Variants in HOXC9 observed in about 807,000 individuals in gnomAD.
HOXC9 encodes homeobox C9, also known as homeobox protein Hox-C9.
HOXC9 carries 10 observed loss-of-function variants against 20.0 expected under a neutral mutation model. That is an observed-to-expected ratio of 0.50 (90% CI 0.31 to 0.85). HOXC9 has a LOEUF of 0.85. Ranked by LOEUF, HOXC9 falls within the 40% of genes least tolerant of loss-of-function variation. The pLI is 0.05. For synonymous variants in HOXC9, 200 were observed against 163.7 expected, an observed-to-expected ratio of 1.22 and a Z score of -1.69; for missense variants, 394 against 376.7, an observed-to-expected ratio of 1.05 and a Z score of -0.38.
rs181553076 is a variant in HOXC9 at position 54,002,852 on chromosome 12, G to A, written c.*178G>A. ...AAGAAAACTCTTGCGATTTGGGAGGGTTCAGTGTTGAGATATTGGTGTTTT... is the reference window on the plus strand; with the variant it reads ...AAGAAAACTCTTGCGATTTGGGAGGATTCAGTGTTGAGATATTGGTGTTTT... On this transcript the variant is annotated 3_prime_UTR_variant, in exon 2 of 2. Transcript: ENST00000303450. 475 of 677,668 alleles carry A rather than the reference G, an allele frequency of 7.0e-4. 3 individuals are homozygous for A. The highest frequency in any genetic ancestry group is 1.4e-3 in the Admixed American group (43 of 30,418). 42.0% of individuals were successfully genotyped at this position (677,668 alleles called of 1,614,324 possible). A position where few individuals can be genotyped will look rare whatever the true frequency, so the allele number is the denominator to read the frequency against.
Position 54,002,434 on chromosome 12 carries a change from C to T in HOXC9, c.543C>T (p.Asn181=), listed in dbSNP as rs1399391883. The part of the protein sequence containing the change: ...KEEKADLDPS[N]PVANWIHARS... The stretch of plus-strand genomic sequence containing the variant: ...TGCTTGTGTTTGGCCCTCCAGGCAA[C>T]CCCGTGGCCAACTGGATTCACGCCC... The change falls in exon 2 of 2, where the codon AAC becomes AAT. Residue 181 remains asparagine (N), a synonymous_variant. Transcript: ENST00000303450. 1.9e-6 allele frequency: 3 copies of T among 1,613,322 alleles called. No individual in the cohort carries two copies. Among genetic ancestry groups the T allele is most frequent in the South Asian group, 1.1e-5 (1 of 91,050 alleles).
intron 1 of HOXC9, among the ~76,000 whole-genome samples, chr12:54,001,319 G>T (rs1027971568): frequency 1.7e-4 from 26 of 152,010 alleles, no homozygotes; most frequent in Non-Finnish European, 2.9e-5. Context: ...ATAAAAGTGG[G>T]GTCTGAGCCT....
At chr12:54,000,771 G>A in intron 1 of HOXC9, 45 bp downstream of exon 1, 1 of 1,438,746 alleles carries the variant, frequency 7.0e-7, no homozygotes. Context: ...CGGGAGGGGA[G>A]GGGAGGACGG....
chr12:54,001,119 G>A (rs1939732551), intron 1 of HOXC9, among the ~76,000 whole-genome samples: 1 of 152,038 alleles, frequency 6.6e-6, no homozygotes, highest in Admixed American at 6.6e-5. Context: ...GAGGACACTG[G>A]GGGCACAGAG....
At position 54,003,195 on chromosome 12, in the gene HOXC9, C is replaced by CCCGT. The variant is rs1939789910; in HGVS notation, c.*522_*525dup. On this transcript the variant is annotated 3_prime_UTR_variant, in exon 2 of 2. Transcript: ENST00000303450. ...GGACCATGCCGCGGGCTAGGTCGGG[C>CCCGT]CCGTGCAGGCCGGCGCCTTGGGCTG... 6.5e-6 allele frequency: 1 copy of CCCGT among 154,250 alleles called. No homozygotes were observed. The highest frequency in any genetic ancestry group is 1.4e-5 in the Non-Finnish European group (1 of 69,546). 9.6% of individuals were successfully genotyped at this position (154,250 alleles called of 1,614,324 possible).
At chr12:54,001,480 CAG>C (rs887593569) in intron 1 of HOXC9, among the ~76,000 whole-genome samples, 32 of 151,330 alleles carry the variant, frequency 2.1e-4, no homozygotes, top group African/African-American at 7.8e-4. Context: ...TCACTCCAAT[CAG>C]GGAGACAGGC....
chr12:54,002,819 A>G lies in HOXC9; in HGVS notation c.*145A>G. On this transcript the variant is annotated 3_prime_UTR_variant, in exon 2 of 2. Coordinates refer to ENST00000303450, the MANE Select transcript of HOXC9 (RefSeq NM_006897.3). ...AATCAGCTTAAAAAGAAAAACAAGG[A>G]AGGGGAAAAGAAAACTCTTGCGATT... The G allele has an allele frequency of 1.1e-6, 1 of 928,848 alleles. No individual in the cohort carries two copies. The highest frequency in any genetic ancestry group is 1.6e-6 in the Non-Finnish European group (1 of 642,558). The allele number at this position is 928,848 out of a possible 1,614,324, so 57.5% of individuals were successfully genotyped here.
Position 54,002,553 on chromosome 12 carries a change from G to A in HOXC9, c.662G>A (p.Arg221His), listed in dbSNP as rs1381818624. Reference sequence around the variant, plus strand: ...TTCAATATGTATTTAACCAGGGACCGTCGGTATGAGGTGGCCCGGGTTCTC... The same window carrying A: ...TTCAATATGTATTTAACCAGGGACCATCGGTATGAGGTGGCCCGGGTTCTC... ...FLFNMYLTRD[R>H]RYEVARVLNL... The change falls in exon 2 of 2, where the codon CGT (arginine) becomes CAT (histidine). Residue 221 changes from arginine (R) to histidine (H), a missense_variant. Arg to His is a conservative substitution (Grantham distance 29). Coordinates refer to ENST00000303450, the MANE Select transcript of HOXC9 (RefSeq NM_006897.3). The A allele has an allele frequency of 1.1e-5, 17 of 1,614,078 alleles. No individual in the cohort carries two copies. The highest frequency in any genetic ancestry group is 1.3e-5 in the African/African-American group (1 of 74,912).
rs781035537 is a variant in HOXC9, at chr12:54,000,526, G to A, written c.338G>A (p.Gly113Asp). Residue 113 changes from glycine to aspartate, a missense_variant, in exon 1 of 2, where the codon GGC becomes GAC. Coordinates refer to ENST00000303450, the MANE Select transcript of HOXC9 (RefSeq NM_006897.3). Reference protein sequence around the residue: ...AVSFPSFPAGGRHYALKPDAY... With the variant: ...AVSFPSFPAGDRHYALKPDAY... The stretch of plus-strand genomic sequence containing the variant: ...TCCTTCCCCAGCTTCCCGGCCGGGG[G>A]CCGTCACTACGCCCTCAAGCCGGAC... 3.2e-6 allele frequency: 5 copies of A among 1,584,966 alleles called. No individual in the cohort carries two copies. Among genetic ancestry groups the A allele is most frequent in the Non-Finnish European group, 4.3e-6 (5 of 1,172,856 alleles).
chr12:54,000,308 C>T lies in HOXC9; in HGVS notation c.120C>T (p.Pro40=). 3 of 1,614,168 alleles carry T rather than the reference C, an allele frequency of 1.9e-6. No individual in the cohort carries two copies. Among genetic ancestry groups the T allele is most frequent in the Non-Finnish European group, 2.5e-6 (3 of 1,180,036 alleles). ...GGGCTCATCCCGCCGCCGCCAGACC[C>T]AGCGGTTTGGTGCCGGACTGTAGCG... is the stretch of plus-strand genomic sequence containing the variant. ...ATGAHPAAAR[P]SGLVPDCSDF... The change falls in exon 1 of 2, where the codon CCC becomes CCT. Residue 40 remains proline, a synonymous_variant. Coordinates refer to ENST00000303450, the MANE Select transcript of HOXC9 (RefSeq NM_006897.3).
In HOXC9 at chr12:54,002,552, C is replaced by G; in HGVS notation, c.661C>G (p.Arg221Gly). The G allele has an allele frequency of 6.2e-7, 1 of 1,614,174 alleles. No homozygotes were observed. The highest frequency in any genetic ancestry group is 8.5e-7 in the Non-Finnish European group (1 of 1,180,036). Residue 221 changes from arginine (R) to glycine (G), a missense_variant, in exon 2 of 2, where the codon CGT becomes GGT. By Grantham distance (125) the Arg-to-Gly change is moderately radical. Transcript: ENST00000303450. ...FLFNMYLTRD[R>G]RYEVARVLNL... ...CTTCAATATGTATTTAACCAGGGAC[C>G]GTCGGTATGAGGTGGCCCGGGTTCT...
In HOXC9 at chr12:54,002,952, A is replaced by C; in HGVS notation, c.*278A>C. 3.3e-6 allele frequency: 1 copy of C among 304,162 alleles called. No individual in the cohort carries two copies. 18.8% of individuals were successfully genotyped at this position (304,162 alleles called of 1,614,324 possible). On this transcript the variant is annotated 3_prime_UTR_variant, in exon 2 of 2. Coordinates refer to ENST00000303450, the MANE Select transcript of HOXC9 (RefSeq NM_006897.3). Reference sequence around the variant, plus strand: ...TCTTTCCCCAGCGCAACCGAAATAAATGACACATACAAATGTGATTTTTTT... The same window carrying C: ...TCTTTCCCCAGCGCAACCGAAATAACTGACACATACAAATGTGATTTTTTT...
chr12:54,001,398 G>A (rs564144301), intron 1 of HOXC9, among the ~76,000 whole-genome samples: 11 of 151,796 alleles, frequency 7.2e-5, no homozygotes, highest in South Asian at 4.2e-4. Context: ...TCAGGGATGA[G>A]GAGTGGGCAT....
In HOXC9 at chr12:54,000,605, G is replaced by A; in HGVS notation, c.417G>A (p.Pro139=). ...GCCCAGGGGAGGGCCGCAGCTACCC[G>A]GACTACATGTACGGCTCGCCCGGGG... ...DCGPGEGRSY[P]DYMYGSPGEL... The change falls in exon 1 of 2, where the codon CCG becomes CCA. Residue 139 remains proline, a synonymous_variant. Transcript: ENST00000303450. 1.3e-6 allele frequency: 2 copies of A among 1,539,082 alleles called. No individual in the cohort carries two copies. Among genetic ancestry groups the A allele is most frequent in the South Asian group, 1.2e-5 (1 of 84,846 alleles).
chr12:54,002,374 G>A (rs1939764855), intron 1 of HOXC9, 56 bp from the exon 2 acceptor site: 2 of 1,576,318 alleles, frequency 1.3e-6, no homozygotes, highest in Non-Finnish European at 1.7e-6. Flanking sequence ...TAGAGTAGCA[G>A]AAGTCCTGGG....
chr12:54,001,493 G>A (rs535277131), intron 1 of HOXC9, among the ~76,000 whole-genome samples: 6 of 151,616 alleles, frequency 4.0e-5, no homozygotes, highest in South Asian at 2.1e-4. Context: ...GGAGACAGGC[G>A]CCTTCTGAGG....
chr12:54,000,577 G>A lies in HOXC9; in HGVS notation c.389G>A (p.Cys130Tyr), dbSNP rs1263733162. Residue 130 changes from cysteine to tyrosine, a missense_variant, in exon 1 of 2, where the codon TGC becomes TAC. By Grantham distance (194) the Cys-to-Tyr change is radical. Coordinates refer to ENST00000303450, the MANE Select transcript of HOXC9 (RefSeq NM_006897.3). ...PDAYPGRRADCGPGEGRSYPD... is the reference protein window; with the variant it reads ...PDAYPGRRADYGPGEGRSYPD... The stretch of plus-strand genomic sequence containing the variant: ...GCCTACCCCGGGCGCCGCGCGGACT[G>A]CGGCCCAGGGGAGGGCCGCAGCTAC... 2 of 1,534,694 alleles carry A rather than the reference G, an allele frequency of 1.3e-6. No individual in the cohort carries two copies. Among genetic ancestry groups the A allele is most frequent in the South Asian group, 2.4e-5 (2 of 84,436 alleles).
intron 1 of HOXC9, 134 bp from the exon 2 acceptor site, chr12:54,002,296 C>A: frequency 8.5e-7 from 1 of 1,172,594 alleles, no homozygotes; most frequent in Non-Finnish European, 1.2e-6. Context: ...GAGGAAAATT[C>A]CTAAAGCAAA....
At chr12:54,002,363 G>A in intron 1 of HOXC9, 67 bp from the exon 2 acceptor site, 1 of 1,561,624 alleles carries the variant, frequency 6.4e-7, no homozygotes, top group Non-Finnish European at 8.7e-7. Context: ...AAGTCTAGGG[G>A]TAGAGTAGCA....
Sources: allele counts gnomAD v4.1 joint callset (sites outside exome capture counted in the v4.1 genomes callset), GRCh38; gene constraint gnomAD v4.1.1; transcripts MANE v1.5; gene names NCBI Gene and HGNC (gene_info 2026-07-23, HGNC 2026-07-21).